PGAP2: variants seen among roughly 807,000 people sequenced by gnomAD.
PGAP2 encodes the protein acyltransferase PGAP2.
In PGAP2, 21 loss-of-function variants were observed where a neutral mutation model predicts 33.2. The observed-to-expected ratio is 0.63, with a 90% CI of 0.45 to 0.91. The LOEUF is 0.91. Ranked by LOEUF, PGAP2 falls within the 40% of genes least tolerant of loss-of-function variation. The probability of loss-of-function intolerance (pLI) is 0.00; values close to 1 mark genes in which losing one functional copy is unlikely to be tolerated. For missense variants in PGAP2, 345 were observed against 424.0 expected (o/e 0.81, Z 1.64); for synonymous variants, 161 against 172.9 (o/e 0.93, Z 0.54).
At chr11:3,820,830 T>A (rs2088413366) in intron 3 of PGAP2, among the ~76,000 whole-genome samples, 1 of 151,918 alleles carries the variant, frequency 6.6e-6, no homozygotes, top group African/African-American at 2.4e-5. Flanking sequence ...CTCAAATAAA[T>A]AAATAAATAA....
chr11:3,811,264 A>G lies in PGAP2; in HGVS notation c.5A>G (p.Tyr2Cys). 1 of 1,612,996 alleles carries G rather than the reference A, an allele frequency of 6.2e-7. No individual in the cohort carries two copies. The highest frequency in any genetic ancestry group is 1.7e-4 in the Middle Eastern group (1 of 6,028). Residue 2 changes from tyrosine (Y) to cysteine (C), a missense_variant, in exon 2 of 7, where the codon TAC (tyrosine) becomes TGC (cysteine). By Grantham distance (194) the Tyr-to-Cys change is radical (BLOSUM62 -2). Coordinates refer to ENST00000278243, the MANE Select transcript of PGAP2 (RefSeq NM_014489.4). This position sits in a 1 kb window ranked among gnomAD's most constrained non-coding sequence, Gnocchi z 4.6. M[Y>C]QVPLPLDRDG... ...TCCATCCCCAGGTCTGACAAGATGT[A>G]CCAGGTCCCACTACCACTGGATCGG...
chr11:3,802,076 C>CTTT (rs3061897), intron 1 of PGAP2, among the ~76,000 whole-genome samples: 76,931 of 136,854 alleles, frequency 0.56, 23,765 homozygotes, highest in East Asian at 0.72. Context: ...TTTCCTTTTC[C>CTTT]TTTTTTTTTT....
intron 3 of PGAP2, chr11:3,817,875 C>A (rs1327921702): frequency 2.1e-6 from 1 of 485,970 alleles, no homozygotes; most frequent in Admixed American, 2.3e-5. Context: ...GAAACCCCGT[C>A]TGTACAAAAA....
chr11:3,814,794 T>G (rs1471129309), intron 2 of PGAP2, among the ~76,000 whole-genome samples: 2 of 111,832 alleles, frequency 1.8e-5, no homozygotes, highest in Non-Finnish European at 4.3e-5. Context: ...CTTTCTTTCT[T>G]TCTTTCTTTC....
upstream of PGAP2, chr11:3,808,444 G>A (rs1403767213): frequency 4.6e-6 from 7 of 1,513,406 alleles, no homozygotes; most frequent in Non-Finnish European, 6.2e-6. Context: ...GGACACGCCA[G>A]ATTGAGGAGG....
intron 3 of PGAP2, chr11:3,823,672 A>C (rs1431156741): frequency 1.3e-6 from 2 of 1,560,776 alleles, no homozygotes; most frequent in East Asian, 4.7e-5. Context: ...CACAAATCCC[A>C]GGATAGCTGG....
At chr11:3,817,691 T>TGG in intron 3 of PGAP2, 156 bp downstream of exon 3, 1 of 710,504 alleles carries the variant, frequency 1.4e-6, no homozygotes, top group Non-Finnish European at 2.6e-6. Context: ...AGATAATTCA[T>TGG]GGGGGGAGAC....
Position 3,811,214 on chromosome 11 carries a change from G to A in PGAP2, c.-10-36G>A, listed in dbSNP as rs767569592. 2 of 1,585,764 alleles carry A rather than the reference G, an allele frequency of 1.3e-6. No individual in the cohort carries two copies. Among genetic ancestry groups the A allele is most frequent in the Non-Finnish European group, 1.7e-6 (2 of 1,163,726 alleles). On this transcript the variant is annotated intron_variant, in intron 1 of 6. Coordinates refer to ENST00000278243, the MANE Select transcript of PGAP2 (RefSeq NM_014489.4). The surrounding 1 kb of genome is among the most constrained non-coding windows in gnomAD (Gnocchi z 4.6). ...TTTATCACTGAGTGCCAGCCTGGCT[G>A]CCTGGGGCCCTGACAGCATGCCACT...
chr11:3,817,229 C>G lies in PGAP2; in HGVS notation c.166-124C>G, dbSNP rs1402416885. On this transcript the variant is annotated intron_variant, in intron 2 of 6. Coordinates refer to ENST00000278243, the MANE Select transcript of PGAP2 (RefSeq NM_014489.4). ...GCACTGTCTTCCTTTTCCCCTTATG[C>G]CTTTTCTACCCTTTCTGCTCTGGCT... The G allele has an allele frequency of 4.1e-6, 3 of 734,630 alleles. No individual in the cohort carries two copies. The African/African-American group carries it at 5.3e-5, about 13-fold the overall frequency. The allele number at this position is 734,630 out of a possible 1,614,324, so 45.5% of individuals were successfully genotyped here.
At chr11:3,817,996 A>T in intron 3 of PGAP2, 1 of 380,640 alleles carries the variant, frequency 2.6e-6, no homozygotes, top group South Asian at 1.9e-5. Context: ...CAGTGAGCTG[A>T]GTTCACACCA....
exon 1 of PGAP2, chr11:3,797,832 G>C: frequency 6.5e-7 from 1 of 1,550,112 alleles, no homozygotes. Context: ...GCCTCTCGAA[G>C]TGGGCTTGTG....
At chr11:3,801,254 G>A (rs1318473971) in intron 1 of PGAP2, among the ~76,000 whole-genome samples, 7 of 152,094 alleles carry the variant, frequency 4.6e-5, no homozygotes, top group African/African-American at 1.2e-4. Flanking sequence ...TTACAGGGTC[G>A]TAGTGAGCAT....
upstream of PGAP2, among the ~76,000 whole-genome samples, chr11:3,803,587 C>A (rs1395606426): frequency 2.0e-5 from 3 of 151,878 alleles, no homozygotes; most frequent in African/African-American, 7.3e-5. Flanking sequence ...ACCACCACAC[C>A]AGGCTAATTT....
intron 1 of PGAP2, chr11:3,798,111 C>G: frequency 1.4e-6 from 2 of 1,473,748 alleles, no homozygotes; most frequent in Non-Finnish European, 1.8e-6. Context: ...GTCTGTCTGT[C>G]CAAAGAGTTT....
At chr11:3,797,911 C>G (rs889144356) in exon 1 of PGAP2, 1 of 1,548,144 alleles carries the variant, frequency 6.5e-7, no homozygotes, top group Non-Finnish European at 8.7e-7. Context: ...GACTCCGCCC[C>G]CTTCCTTGGA....
upstream of PGAP2, chr11:3,797,737 G>T: frequency 7.6e-7 from 1 of 1,322,134 alleles, no homozygotes; most frequent in South Asian, 1.4e-5. Context: ...GTTCGGGGAG[G>T]CACAGGGTAG....
At chr11:3,823,668 T>C in intron 3 of PGAP2, 1 of 1,555,902 alleles carries the variant, frequency 6.4e-7, no homozygotes, top group Non-Finnish European at 8.6e-7. Flanking sequence ...GCTGCACAAA[T>C]CCCAGGATAG....
intron 3 of PGAP2, among the ~76,000 whole-genome samples, chr11:3,820,275 A>G (rs1219627176): frequency 6.6e-6 from 1 of 152,204 alleles, no homozygotes; most frequent in Non-Finnish European, 1.5e-5. Flanking sequence ...GTGGCCATGT[A>G]GCTCACAGCG....
rs901493190 is a variant in PGAP2 at position 3,825,518 on chromosome 11, C to T, written c.*60C>T. The T allele has an allele frequency of 2.6e-6, 4 of 1,550,250 alleles. No individual in the cohort carries two copies. The African/African-American group carries it at 4.1e-5, about 16-fold the overall frequency. On this transcript the variant is annotated 3_prime_UTR_variant, in exon 7 of 7. Transcript: ENST00000278243. The stretch of plus-strand genomic sequence containing the variant: ...TGCCCAGAAACAAGAAACACGATAC[C>T]ATTCTGGCCTTCCCCACCCCACATC...
Sources: gnomAD v4.1 joint callset for allele counts (sites outside exome capture counted in the v4.1 genomes callset) on GRCh38, gnomAD v4.1.1 for gene constraint, Gnocchi (gnomAD v3.1) non-coding constraint, MANE v1.5 for transcripts, NCBI Gene and HGNC (gene_info 2026-07-23, HGNC 2026-07-21) for gene names.